The following KIRREL3 variants were observed in gnomAD, a reference collection of about 807,000 sequenced individuals.
The protein encoded by KIRREL3 is kirre like nephrin family adhesion molecule 3, also known as kin of IRRE-like protein 3.
Under a neutral mutation model 89.7 loss-of-function variants are expected in KIRREL3, and 36 were observed. That is an observed-to-expected ratio of 0.40 (90% CI 0.31 to 0.53). The LOEUF is 0.53. KIRREL3 is among the 20% of genes least tolerant of loss of function. KIRREL3 has a pLI of 0.49. For synonymous variants in KIRREL3, 445 were observed against 441.4 expected, an observed-to-expected ratio of 1.01 and a Z score of -0.10; for missense variants, 864 against 1,056.6, an observed-to-expected ratio of 0.82 and a Z score of 2.53.
rs1412519891 is a variant in KIRREL3 at position 126,709,651 on chromosome 11, A to T, written c.56-146739T>A. ...TTGGACACAGAGGTACAGAGGGAAGACCATGTGAAGATGAGGGAAGGCAGA... is the reference window on the plus strand; with the variant it reads ...TTGGACACAGAGGTACAGAGGGAAGTCCATGTGAAGATGAGGGAAGGCAGA... On this transcript the variant is annotated intron_variant, in intron 1 of 16. Transcript: ENST00000525144. This position sits in a 1 kb window ranked among gnomAD's most constrained non-coding sequence, Gnocchi z 4.0. Among the ~76,000 whole-genome samples, 2 of 152,190 alleles carry T rather than the reference A, an allele frequency of 1.3e-5. No individual in the cohort carries two copies. Among genetic ancestry groups the T allele is most frequent in the Non-Finnish European group, 2.9e-5 (2 of 68,030 alleles).
chr11:126,451,057 GTGCA>G (rs1257373558), intron 7 of KIRREL3, among the ~76,000 whole-genome samples: 1 of 135,764 alleles, frequency 7.4e-6, no homozygotes, highest in South Asian at 2.3e-4. Context: ...ATGTGCATGT[GTGCA>G]TGCATGTGCA....
intron 1 of KIRREL3, among the ~76,000 whole-genome samples, chr11:126,716,502 G>A (rs1947966630): frequency 6.6e-6 from 1 of 152,022 alleles, no homozygotes; most frequent in South Asian, 2.1e-4. Flanking sequence ...AGATGACACA[G>A]GTCAGCCACA....
chr11:126,969,833 C>T lies in KIRREL3; in HGVS notation c.55+30622G>A, dbSNP rs1251750055. Among the ~76,000 whole-genome samples, 2 of 152,170 alleles carry T rather than the reference C, an allele frequency of 1.3e-5. No homozygotes were observed. The highest frequency in any genetic ancestry group is 4.8e-5 in the African/African-American group (2 of 41,424). The stretch of plus-strand genomic sequence containing the variant: ...GAAAAAGGTAGCAGACAGCCTTTCC[C>T]TTCTCTTCTCCTTTCTCTCTACTCT... On this transcript the variant is annotated intron_variant, in intron 1 of 16. Transcript: ENST00000525144. This position sits in a 1 kb window ranked among gnomAD's most constrained non-coding sequence, Gnocchi z 4.9.
chr11:126,819,491 G>A (rs1269256399), intron 1 of KIRREL3, among the ~76,000 whole-genome samples: 6 of 152,242 alleles, frequency 3.9e-5, no homozygotes, highest in Non-Finnish European at 8.8e-5. Flanking sequence ...CCTGCCATTT[G>A]TCACCGGCAG....
At chr11:126,649,783 G>T (rs1434648889) in intron 1 of KIRREL3, among the ~76,000 whole-genome samples, 1 of 152,176 alleles carries the variant, frequency 6.6e-6, no homozygotes. Flanking sequence ...GATCTGGAGG[G>T]CGATGGCCCT....
At chr11:126,915,191 A>G (rs1304849636) in intron 1 of KIRREL3, among the ~76,000 whole-genome samples, 2 of 152,212 alleles carry the variant, frequency 1.3e-5, no homozygotes, top group African/African-American at 2.4e-5. Flanking sequence ...CACCATGTGG[A>G]TATCAAGGGG....
rs560407485 is a variant in KIRREL3, at chr11:126,736,764, C to T, written c.56-173852G>A. Among the ~76,000 whole-genome samples the T allele has an allele frequency of 5.1e-4, 77 of 152,210 alleles. No individual in the cohort carries two copies. The highest frequency in any genetic ancestry group is 8.4e-4 in the Non-Finnish European group (57 of 68,014). ...TCCTGATTTTACAGATAAGAAAACC[C>T]GGGTGTGGGTAAGGTTAAAGGTCAT... On this transcript the variant is annotated intron_variant, in intron 1 of 16. Coordinates refer to ENST00000525144, the MANE Select transcript of KIRREL3 (RefSeq NM_032531.4). The surrounding 1 kb of genome is among the most constrained non-coding windows in gnomAD (Gnocchi z 5.0).
chr11:126,437,681 C>G (rs906213194), intron 11 of KIRREL3, among the ~76,000 whole-genome samples: 2 of 151,998 alleles, frequency 1.3e-5, no homozygotes, highest in African/African-American at 4.8e-5. Flanking sequence ...AGACACGACA[C>G]CACATCTACA....
rs867769198 is a variant in KIRREL3, at chr11:126,676,910, G to A, written c.56-113998C>T. 4.6e-5 allele frequency among the ~76,000 whole-genome samples: 7 copies of A among 151,652 alleles called. No homozygotes were observed. The highest frequency in any genetic ancestry group is 4.2e-4 in the South Asian group (2 of 4,800). ...AGCGGTCGTCCTGCCTAAACCTCCCGAGTAGCTGGGACTACAGGCATGCAC... is the reference window on the plus strand; with the variant it reads ...AGCGGTCGTCCTGCCTAAACCTCCCAAGTAGCTGGGACTACAGGCATGCAC... On this transcript the variant is annotated intron_variant, in intron 1 of 16. Transcript: ENST00000525144. This position sits in a 1 kb window ranked among gnomAD's most constrained non-coding sequence, Gnocchi z 4.5.
intron 2 of KIRREL3, among the ~76,000 whole-genome samples, chr11:126,545,753 G>A (rs1241560235): frequency 6.6e-6 from 1 of 152,224 alleles, no homozygotes; most frequent in African/African-American, 2.4e-5. Context: ...CCAGACAGAA[G>A]GTGGCAAGGC....
In KIRREL3 at chr11:126,747,131, C is replaced by T. The variant is rs1949179287; in HGVS notation, c.56-184219G>A. Among the ~76,000 whole-genome samples, 2 of 152,216 alleles carry T rather than the reference C, an allele frequency of 1.3e-5. No individual in the cohort carries two copies. The highest frequency in any genetic ancestry group is 2.9e-5 in the Non-Finnish European group (2 of 68,046). Reference sequence around the variant, plus strand: ...GGAATCGCCTCAGCTGTGTAGCTAACTTGTTTTCCTTCCCCATCAAATGAG... The same window carrying T: ...GGAATCGCCTCAGCTGTGTAGCTAATTTGTTTTCCTTCCCCATCAAATGAG... On this transcript the variant is annotated intron_variant, in intron 1 of 16. Transcript: ENST00000525144. The surrounding 1 kb of genome is among the most constrained non-coding windows in gnomAD (Gnocchi z 4.7).
rs1046999628 is a variant in KIRREL3, at chr11:126,912,266, G to T, written c.55+88189C>A. Among the ~76,000 whole-genome samples, 1 of 152,056 alleles carries T rather than the reference G, an allele frequency of 6.6e-6. No homozygotes were observed. Among genetic ancestry groups the T allele is most frequent in the African/African-American group, 2.4e-5 (1 of 41,398 alleles). ...GCAGATACCCTTCACCTTCAAGCAG[G>T]CTAAACCGGCCGAGAGTGGCTCTGA... is the stretch of plus-strand genomic sequence containing the variant. On this transcript the variant is annotated intron_variant, in intron 1 of 16. Transcript: ENST00000525144. This position sits in a 1 kb window ranked among gnomAD's most constrained non-coding sequence, Gnocchi z 4.7.
Position 127,000,389 on chromosome 11 carries a change from C to A in KIRREL3, c.55+66G>T. 3 of 1,426,174 alleles carry A rather than the reference C, an allele frequency of 2.1e-6. No individual in the cohort carries two copies. The highest frequency in any genetic ancestry group is 2.5e-5 in the East Asian group (1 of 39,602). 88.3% of individuals were successfully genotyped at this position (1,426,174 alleles called of 1,614,324 possible). On this transcript the variant is annotated intron_variant, in intron 1 of 16. Coordinates refer to ENST00000525144, the MANE Select transcript of KIRREL3 (RefSeq NM_032531.4). This position sits in a 1 kb window ranked among gnomAD's most constrained non-coding sequence, Gnocchi z 7.1. The stretch of plus-strand genomic sequence containing the variant: ...CCCGAAGCCTGCCCACGTTCCTGCC[C>A]ACAGCCTCCCGCGCCCTGACAACCC...
intron 1 of KIRREL3, among the ~76,000 whole-genome samples, chr11:126,695,841 C>T (rs1224852589): frequency 6.6e-6 from 1 of 152,198 alleles, no homozygotes; most frequent in Non-Finnish European, 1.5e-5. Context: ...CGTAGAGCCA[C>T]AGCCTGGAAA....
intron 1 of KIRREL3, among the ~76,000 whole-genome samples, chr11:126,967,850 A>AAACCTCTT (rs1209875844): frequency 1.3e-5 from 2 of 152,112 alleles, no homozygotes; most frequent in Non-Finnish European, 2.9e-5. Context: ...CTGGGTAGCT[A>AAACCTCTT]AACCTCTTAC....
rs1289440911 is a variant in KIRREL3 at position 126,622,596 on chromosome 11, G to C, written c.56-59684C>G. 6.6e-6 allele frequency among the ~76,000 whole-genome samples: 1 copy of C among 152,216 alleles called. No individual in the cohort carries two copies. The highest frequency in any genetic ancestry group is 1.5e-5 in the Non-Finnish European group (1 of 68,038). ...CCCAGCTACTCAGGAGGCTGAGGCA[G>C]AAGAATCACTTGAACCCTGGAGGCG... On this transcript the variant is annotated intron_variant, in intron 1 of 16. Coordinates refer to ENST00000525144, the MANE Select transcript of KIRREL3 (RefSeq NM_032531.4). This position sits in a 1 kb window ranked among gnomAD's most constrained non-coding sequence, Gnocchi z 5.2.
rs183033665 is a variant in KIRREL3 at position 126,779,971 on chromosome 11, C to T, written c.56-217059G>A. 1.1e-4 allele frequency among the ~76,000 whole-genome samples: 16 copies of T among 152,136 alleles called. 1 individual carries two copies. Among genetic ancestry groups the T allele is most frequent in the Admixed American group, 3.9e-4 (6 of 15,278 alleles). ...GGTGCATCACGAGAGGCAGAGCCCA[C>T]GGGAGCATCTAGTGGGGAAAGCTCG... is the stretch of plus-strand genomic sequence containing the variant. On this transcript the variant is annotated intron_variant, in intron 1 of 16. Coordinates refer to ENST00000525144, the MANE Select transcript of KIRREL3 (RefSeq NM_032531.4).
chr11:126,645,606 G>A lies in KIRREL3; in HGVS notation c.56-82694C>T, dbSNP rs1265109393. 6.6e-6 allele frequency among the ~76,000 whole-genome samples: 1 copy of A among 152,190 alleles called. No homozygotes were observed. On this transcript the variant is annotated intron_variant, in intron 1 of 16. Coordinates refer to ENST00000525144, the MANE Select transcript of KIRREL3 (RefSeq NM_032531.4). This position sits in a 1 kb window ranked among gnomAD's most constrained non-coding sequence, Gnocchi z 4.9. ...TTCCACATCTAAATGGAAGCATCAT[G>A]GCACGAGGTGAAATTCTAGGTTTCT... is the stretch of plus-strand genomic sequence containing the variant.
At position 126,541,011 on chromosome 11, in the gene KIRREL3, G is replaced by A. The variant is rs1364334299; in HGVS notation, c.134-14324C>T. 2.6e-5 allele frequency among the ~76,000 whole-genome samples: 4 copies of A among 152,188 alleles called. No homozygotes were observed. The East Asian group carries it at 7.7e-4, about 29-fold the overall frequency. On this transcript the variant is annotated intron_variant, in intron 2 of 16. Coordinates refer to ENST00000525144, the MANE Select transcript of KIRREL3 (RefSeq NM_032531.4). This position sits in a 1 kb window ranked among gnomAD's most constrained non-coding sequence, Gnocchi z 4.8. ...CACTAAGGGGCAGGGATGGAACTATGCCATTAGCTCAAGAGGGAGCTGCAG... is the reference window on the plus strand; with the variant it reads ...CACTAAGGGGCAGGGATGGAACTATACCATTAGCTCAAGAGGGAGCTGCAG...
Sources: gnomAD v4.1 joint callset for allele counts (sites outside exome capture counted in the v4.1 genomes callset) on GRCh38, gnomAD v4.1.1 for gene constraint, Gnocchi (gnomAD v3.1) non-coding constraint, MANE v1.5 for transcripts, NCBI Gene and HGNC (gene_info 2026-07-23, HGNC 2026-07-21) for gene names.